Variants in STOX2 observed in about 807,000 individuals in gnomAD.
STOX2 encodes storkhead box 2.
In STOX2, 28 loss-of-function variants were observed where a neutral mutation model predicts 60.9. The ratio of observed to expected loss-of-function variants is 0.46; its 90% CI spans 0.34 to 0.63. The LOEUF (loss-of-function observed/expected upper bound fraction) is 0.63, where lower values mean the gene tolerates loss of function less well. STOX2 is among the 30% of genes least tolerant of loss of function. The pLI is 0.01. For missense variants in STOX2, 1,024 were observed against 1,187.7 expected, an observed-to-expected ratio of 0.86 and a Z score of 2.03; for synonymous variants, 472 against 463.9, an observed-to-expected ratio of 1.02 and a Z score of -0.22.
chr4:183,891,361 TATATATATATA>T (rs2111182947), intron 1 of STOX2, among the ~76,000 whole-genome samples: 1 of 1,324 alleles, frequency 7.6e-4, no homozygotes, highest in Admixed American at 0.012. Flanking sequence ...ATGGAATTTA[TATATATATATA>T]TATATATATA....
At chr4:183,994,929 G>A (rs1222180709) in intron 1 of STOX2, among the ~76,000 whole-genome samples, 3 of 152,094 alleles carry the variant, frequency 2.0e-5, no homozygotes. Context: ...GAATGTTGGT[G>A]CTTGAAAAAA....
intron 1 of STOX2, among the ~76,000 whole-genome samples, chr4:183,900,242 T>A (rs1347798540): frequency 1.3e-5 from 2 of 152,210 alleles, no homozygotes; most frequent in Admixed American, 6.5e-5. Flanking sequence ...GGGAGATTAA[T>A]GCTGTTTTCA....
chr4:183,988,867 T>C (rs1189777888), intron 1 of STOX2: 1 of 152,738 alleles, frequency 6.5e-6, no homozygotes, highest in African/African-American at 2.4e-5. Flanking sequence ...CAAAGGAATA[T>C]GGTGAAATGT....
chr4:183,928,114 A>G (rs1015812573), intron 1 of STOX2, among the ~76,000 whole-genome samples: 1 of 152,130 alleles, frequency 6.6e-6, no homozygotes, highest in Admixed American at 6.5e-5. Flanking sequence ...TTGTTTGCTT[A>G]TGGGCTTTGT....
intron 1 of STOX2, among the ~76,000 whole-genome samples, chr4:183,932,728 T>C (rs908190295): frequency 2.3e-3 from 3 of 1,314 alleles, no homozygotes; most frequent in Non-Finnish European, 0.04. Flanking sequence ...AAAAGTAGCA[T>C]GGCTGCTCTG....
chr4:183,859,638 C>T (rs73012644), intron 1 of STOX2, among the ~76,000 whole-genome samples: 7,366 of 152,322 alleles, frequency 0.048, 547 homozygotes, highest in African/African-American at 0.16. Flanking sequence ...TGAGACAAAG[C>T]AAATGGTGAC....
rs117569778 is a variant in STOX2 at position 183,897,335 on chromosome 4, C to T, written c.364+99280C>T. 8.9e-4 allele frequency among the ~76,000 whole-genome samples: 135 copies of T among 152,252 alleles called. 2 individuals carry two copies. In the East Asian group the frequency reaches 0.022, roughly 25 times the overall value. On this transcript the variant is annotated intron_variant, in intron 1 of 2. Coordinates refer to the STOX2 transcript ENST00000513034. ...AAGCCTGTTCTCTGTGAGAGCATGC[C>T]TGGGTGCTTCTGGCTTTGTAGATGA...
chr4:184,008,585 A>G (rs1026287808), intron 2 of STOX2, among the ~76,000 whole-genome samples: 8 of 152,238 alleles, frequency 5.3e-5, no homozygotes, highest in Admixed American at 5.2e-4. Flanking sequence ...AATGACTCCA[A>G]AATTAGAGGA....
chr4:183,807,075 C>T (rs895462156), intron 1 of STOX2, among the ~76,000 whole-genome samples: 1 of 152,098 alleles, frequency 6.6e-6, no homozygotes. Flanking sequence ...CGGGTTCACG[C>T]CATTCTCCTG....
At chr4:183,926,597 G>A (rs1433576435) in intron 1 of STOX2, among the ~76,000 whole-genome samples, 1 of 151,634 alleles carries the variant, frequency 6.6e-6, no homozygotes, top group Non-Finnish European at 1.5e-5. Context: ...ATCTTCCAAT[G>A]TATAATTAGA....
chr4:183,940,842 CTATTT>C (rs1410111334), intron 1 of STOX2, among the ~76,000 whole-genome samples: 1 of 152,128 alleles, frequency 6.6e-6, no homozygotes, highest in Non-Finnish European at 1.5e-5. Context: ...CTTTATTTTA[CTATTT>C]TAAAGTTTTA....
At chr4:183,936,322 G>GT (rs1417591970) in intron 1 of STOX2, among the ~76,000 whole-genome samples, 1 of 152,078 alleles carries the variant, frequency 6.6e-6, no homozygotes, top group Non-Finnish European at 1.5e-5. Context: ...TCTACTCAGC[G>GT]TAATTGCTTC....
intron 1 of STOX2, among the ~76,000 whole-genome samples, chr4:183,857,470 G>C (rs28641783): frequency 0.042 from 6,320 of 152,114 alleles, 426 homozygotes; most frequent in African/African-American, 0.14. Flanking sequence ...GCAGTGCCAC[G>C]GCTGCCTGGA....
At chr4:183,962,606 AATAAAT>A (rs1315053038) in intron 1 of STOX2, among the ~76,000 whole-genome samples, 7 of 152,212 alleles carry the variant, frequency 4.6e-5, no homozygotes, top group African/African-American at 1.7e-4. Context: ...CAGGTTCCAC[AATAAAT>A]GACTTGTGAT....
At chr4:183,976,256 G>A (rs1353757946) in intron 1 of STOX2, among the ~76,000 whole-genome samples, 1 of 152,132 alleles carries the variant, frequency 6.6e-6, no homozygotes, top group Non-Finnish European at 1.5e-5. Flanking sequence ...AGGTTGCAGT[G>A]AGCCAAGATT....
intron 1 of STOX2, among the ~76,000 whole-genome samples, chr4:183,914,040 T>G (rs770968801): frequency 6.6e-6 from 1 of 152,140 alleles, no homozygotes; most frequent in Non-Finnish European, 1.5e-5. Context: ...ATTAGTTCAG[T>G]AAAAAATATT....
In STOX2 at chr4:184,019,391, A is replaced by G. The variant is rs1257280292; in HGVS notation, c.*2107A>G. 6.6e-6 allele frequency: 1 copy of G among 152,154 alleles called. No individual in the cohort carries two copies. The highest frequency in any genetic ancestry group is 1.9e-4 in the East Asian group (1 of 5,198). The allele number at this position is 152,154 out of a possible 1,614,324, so 9.4% of individuals were successfully genotyped here. A position where few individuals can be genotyped will look rare whatever the true frequency, so the allele number is the denominator to read the frequency against. On this transcript the variant is annotated 3_prime_UTR_variant, in exon 4 of 4. Coordinates refer to ENST00000308497, the MANE Select transcript of STOX2 (RefSeq NM_020225.3). Reference sequence around the variant, plus strand: ...GTTATATATCATACAGTTACTAAATATTTGTCTAAATTCATTTTTTCCAAA... The same window carrying G: ...GTTATATATCATACAGTTACTAAATGTTTGTCTAAATTCATTTTTTCCAAA...
chr4:183,901,828 G>A (rs1741467950), upstream of STOX2, among the ~76,000 whole-genome samples: 1 of 151,912 alleles, frequency 6.6e-6, no homozygotes, highest in Non-Finnish European at 1.5e-5. Context: ...GCATACTCTG[G>A]ATATCAATCC....
At chr4:183,858,836 T>C (rs1308846012) in intron 1 of STOX2, among the ~76,000 whole-genome samples, 1 of 152,240 alleles carries the variant, frequency 6.6e-6, no homozygotes, top group Non-Finnish European at 1.5e-5. Context: ...TTTCTGGATC[T>C]AGAAATATAA....
Sources: gnomAD v4.1 joint callset for allele counts (sites outside exome capture counted in the v4.1 genomes callset) on GRCh38, gnomAD v4.1.1 for gene constraint, MANE v1.5 for transcripts, NCBI Gene and HGNC (gene_info 2026-07-23, HGNC 2026-07-21) for gene names.